Variants in DAB1 observed in about 807,000 individuals in gnomAD.
The protein encoded by DAB1 is disabled homolog 1.
A neutral mutation model predicts 64.6 loss-of-function variants in DAB1; 15 were observed. That is an observed-to-expected ratio of 0.23 (90% CI 0.16 to 0.36). The LOEUF is 0.36. Ranked by LOEUF, DAB1 falls within the 10% of genes least tolerant of loss-of-function variation. The probability of loss-of-function intolerance (pLI) is 1.00; values close to 1 mark genes in which losing one functional copy is unlikely to be tolerated. For missense variants in DAB1, 596 were observed against 706.7 expected (o/e 0.84, Z 1.78); for synonymous variants, 235 against 251.9 (o/e 0.93, Z 0.64).
At chr1:57,877,951 C>G (rs1032358021) in intron 1 of DAB1, among the ~76,000 whole-genome samples, 2 of 152,026 alleles carry the variant, frequency 1.3e-5, no homozygotes, top group African/African-American at 4.8e-5. Flanking sequence ...AAATAAAAAC[C>G]CTTATTATCC....
At chr1:57,109,706 A>G (rs1400311388) in intron 4 of DAB1, among the ~76,000 whole-genome samples, 1 of 152,206 alleles carries the variant, frequency 6.6e-6, no homozygotes, top group East Asian at 1.9e-4. Flanking sequence ...CCCTCCTCAC[A>G]GCAACCCTAT....
intron 4 of DAB1, among the ~76,000 whole-genome samples, chr1:57,126,010 C>T (rs183331543): frequency 1.3e-5 from 2 of 152,230 alleles, no homozygotes; most frequent in Admixed American, 1.3e-4. Context: ...ACAAGGATGA[C>T]CAAATCATGG....
intron 7 of DAB1, among the ~76,000 whole-genome samples, chr1:57,607,061 A>G (rs1263856558): frequency 5.7e-5 from 1 of 17,408 alleles, no homozygotes; most frequent in East Asian, 0.25. Flanking sequence ...TGCTGGGATT[A>G]CAGGTGTGTG....
chr1:58,035,115 G>A (rs4130713), intron 5 of DAB1, among the ~76,000 whole-genome samples: 52,695 of 152,000 alleles, frequency 0.35, 10,627 homozygotes, highest in Non-Finnish European at 0.45. Context: ...GGAGAGAAAC[G>A]GGCTGCTGGA....
chr1:58,238,863 T>C (rs979186200), intron 4 of DAB1, among the ~76,000 whole-genome samples: 3 of 152,210 alleles, frequency 2.0e-5, no homozygotes, highest in Admixed American at 6.5e-5. Context: ...CAGAAGTGAC[T>C]AGACAAAACT....
At chr1:57,180,155 G>A (rs1198829044) in intron 2 of DAB1, among the ~76,000 whole-genome samples, 2 of 152,154 alleles carry the variant, frequency 1.3e-5, no homozygotes, top group Non-Finnish European at 2.9e-5. Context: ...GAAATGGTAA[G>A]GCCAGCCTTA....
chr1:57,954,014 A>G (rs998134564), intron 5 of DAB1, among the ~76,000 whole-genome samples: 12 of 152,044 alleles, frequency 7.9e-5, no homozygotes, highest in African/African-American at 2.7e-4. Context: ...CTTTCTCTAA[A>G]GCCCCCTTAG....
chr1:57,783,134 C>T (rs1482773818), intron 6 of DAB1, among the ~76,000 whole-genome samples: 4 of 109,234 alleles, frequency 3.7e-5, no homozygotes, highest in African/African-American at 1.4e-4. Context: ...TACAGGGTCT[C>T]ATTCTATTGC....
At chr1:57,907,578 G>A (rs1207415872) in intron 5 of DAB1, among the ~76,000 whole-genome samples, 1 of 152,164 alleles carries the variant, frequency 6.6e-6, no homozygotes, top group Non-Finnish European at 1.5e-5. Flanking sequence ...GACCCTATGA[G>A]ATAGATGCTC....
At chr1:57,435,233 G>C (rs1311837223) in intron 7 of DAB1, among the ~76,000 whole-genome samples, 1 of 151,690 alleles carries the variant, frequency 6.6e-6, no homozygotes, top group Admixed American at 6.6e-5. Context: ...ATTTTTAGTA[G>C]AGATGGGGTT....
chr1:57,131,535 C>T (rs1657651760), intron 4 of DAB1, among the ~76,000 whole-genome samples: 1 of 152,170 alleles, frequency 6.6e-6, no homozygotes, highest in African/African-American at 2.4e-5. Flanking sequence ...GCCTCCTCAG[C>T]TTTTTCCTAA....
At chr1:58,481,739 C>T (rs555267503) in intron 3 of DAB1, among the ~76,000 whole-genome samples, 1 of 152,192 alleles carries the variant, frequency 6.6e-6, no homozygotes, top group East Asian at 1.9e-4. Context: ...GGGTGTTTCC[C>T]GTGCTGTTCT....
At chr1:57,411,253 T>C (rs1193146214) in intron 1 of DAB1, among the ~76,000 whole-genome samples, 3 of 152,242 alleles carry the variant, frequency 2.0e-5, no homozygotes, top group Admixed American at 1.3e-4. Flanking sequence ...TAAGTCCGTG[T>C]GATGAAATGG....
At chr1:57,643,542 A>G (rs1260113429) in intron 7 of DAB1, among the ~76,000 whole-genome samples, 1 of 152,166 alleles carries the variant, frequency 6.6e-6, no homozygotes, top group Non-Finnish European at 1.5e-5. Context: ...TCCCTTTGTG[A>G]CATTTTTGAT....
At chr1:57,414,714 T>G (rs1684362915) in intron 1 of DAB1, among the ~76,000 whole-genome samples, 2 of 152,136 alleles carry the variant, frequency 1.3e-5, no homozygotes, top group African/African-American at 4.8e-5. Flanking sequence ...ATGATGAAAA[T>G]TAATATATAG....
At chr1:58,361,863 CTTTTTTT>C (rs34029239) in intron 3 of DAB1, among the ~76,000 whole-genome samples, 19 of 84,042 alleles carry the variant, frequency 2.3e-4, no homozygotes, top group Non-Finnish European at 2.7e-4. Flanking sequence ...AAAGATCCCC[CTTTTTTT>C]TTTTTTTTTT....
intron 5 of DAB1, among the ~76,000 whole-genome samples, chr1:58,071,877 A>G (rs1360032475): frequency 6.6e-6 from 1 of 152,140 alleles, no homozygotes; most frequent in Non-Finnish European, 1.5e-5. Flanking sequence ...TTTATAGAGC[A>G]TTTATTATTT....
At chr1:57,988,988 A>T (rs115485102) in intron 5 of DAB1, among the ~76,000 whole-genome samples, 3,019 of 152,080 alleles carry the variant, frequency 0.02, 65 homozygotes, top group African/African-American at 0.049. Flanking sequence ...TGGAAGAAGC[A>T]TTTTCAGAGG....
intron 6 of DAB1, among the ~76,000 whole-genome samples, chr1:57,764,985 G>A (rs750837695): frequency 2.6e-5 from 4 of 152,132 alleles, no homozygotes; most frequent in Non-Finnish European, 4.4e-5. Flanking sequence ...GAGGTATCCA[G>A]GAATGTAACA....
Sources: allele counts gnomAD v4.1 joint callset (sites outside exome capture counted in the v4.1 genomes callset), GRCh38; gene constraint gnomAD v4.1.1; transcripts MANE v1.5; gene names NCBI Gene and HGNC (gene_info 2026-07-23, HGNC 2026-07-21).